Variants in CACNA2D3 observed in about 807,000 individuals in gnomAD.
CACNA2D3 encodes voltage-dependent calcium channel subunit alpha-2/delta-3.
Under a neutral mutation model 160.6 loss-of-function variants are expected in CACNA2D3, and 60 were observed. The ratio of observed to expected loss-of-function variants is 0.37; its 90% CI spans 0.30 to 0.46. The LOEUF is 0.46. Among genes scored for constraint, CACNA2D3 ranks in the 20% least tolerant of loss-of-function variants. CACNA2D3 has a pLI of 1.00. For missense variants in CACNA2D3, 1,205 were observed against 1,365.0 expected (o/e 0.88, Z 1.85); for synonymous variants, 558 against 492.9 (o/e 1.13, Z -1.75).
chr3:54,871,225 C>CACACA (rs1559611440), intron 17 of CACNA2D3, among the ~76,000 whole-genome samples: 49 of 131,688 alleles, frequency 3.7e-4, no homozygotes, highest in African/African-American at 1.5e-3. Flanking sequence ...ACACACACAC[C>CACACA]CCCCATTCAA....
chr3:54,773,999 A>C (rs181575613), intron 13 of CACNA2D3, among the ~76,000 whole-genome samples: 23 of 152,348 alleles, frequency 1.5e-4, no homozygotes, highest in African/African-American at 5.5e-4. Flanking sequence ...AACAGCCTCT[A>C]TCCTCTGCCA....
chr3:54,520,025 G>T (rs1701620321), intron 5 of CACNA2D3, among the ~76,000 whole-genome samples: 1 of 152,240 alleles, frequency 6.6e-6, no homozygotes, highest in Non-Finnish European at 1.5e-5. Flanking sequence ...AACCTCTTAA[G>T]ATGGCAGATT....
intron 11 of CACNA2D3, among the ~76,000 whole-genome samples, chr3:54,667,994 T>A (rs1400392767): frequency 6.6e-6 from 1 of 151,994 alleles, no homozygotes; most frequent in African/African-American, 2.4e-5. Flanking sequence ...TAGAATTTTA[T>A]ATCAACATGA....
chr3:54,877,590 C>T (rs1699692123), intron 18 of CACNA2D3, among the ~76,000 whole-genome samples: 1 of 152,176 alleles, frequency 6.6e-6, no homozygotes, highest in South Asian at 2.1e-4. Context: ...TCCTTAACTA[C>T]AGTGCCATCC....
At chr3:54,276,856 C>G (rs1373461132) in intron 2 of CACNA2D3, among the ~76,000 whole-genome samples, 1 of 152,248 alleles carries the variant, frequency 6.6e-6, no homozygotes, top group Non-Finnish European at 1.5e-5. Flanking sequence ...CACCCTGAGG[C>G]AGCTTTCCTT....
intron 14 of CACNA2D3, among the ~76,000 whole-genome samples, chr3:54,827,406 T>G (rs1477061354): frequency 2.0e-5 from 3 of 152,206 alleles, no homozygotes; most frequent in Non-Finnish European, 4.4e-5. Context: ...GAAAGATAGA[T>G]CAATAAAAAT....
intron 5 of CACNA2D3, among the ~76,000 whole-genome samples, chr3:54,513,353 A>G (rs1057203347): frequency 1.3e-5 from 2 of 152,110 alleles, no homozygotes; most frequent in African/African-American, 2.4e-5. Context: ...GCCTTAGTCA[A>G]CTGATGCCTC....
At chr3:54,336,803 T>C (rs565888485) in intron 3 of CACNA2D3, among the ~76,000 whole-genome samples, 1 of 152,206 alleles carries the variant, frequency 6.6e-6, no homozygotes, top group East Asian at 1.9e-4. Context: ...AGCGAAACAA[T>C]GCATAAGAAA....
intron 4 of CACNA2D3, among the ~76,000 whole-genome samples, chr3:54,464,094 T>A (rs567991919): frequency 7.4e-4 from 112 of 152,334 alleles, no homozygotes; most frequent in African/African-American, 2.6e-3. Flanking sequence ...CAGTTTTTCA[T>A]GAACCACGAA....
In CACNA2D3 at chr3:54,432,985, A is replaced by ATTT. The variant is rs1295938243; in HGVS notation, c.381+46211_381+46212insTTT. ...ATTAAGTGGTGGAATTATTTTTTTA[A>ATTT]AAAATTCAAAAGTTTTAAATTTGGG... On this transcript the variant is annotated intron_variant, in intron 4 of 37. Transcript: ENST00000474759. 2.4e-3 allele frequency among the ~76,000 whole-genome samples: 358 copies of ATTT among 152,308 alleles called. 3 individuals are homozygous for ATTT. Among genetic ancestry groups the ATTT allele is most frequent in the African/African-American group, 8.4e-3 (350 of 41,572 alleles).
intron 35 of CACNA2D3, among the ~76,000 whole-genome samples, chr3:55,021,146 ATG>A (rs1703436872): frequency 6.6e-6 from 1 of 152,078 alleles, no homozygotes; most frequent in South Asian, 2.1e-4. Context: ...GTGTTTTTTC[ATG>A]TGTGTATACA....
At chr3:54,962,027 TCCACCAGTC>T (rs1226359465) in intron 27 of CACNA2D3, among the ~76,000 whole-genome samples, 1 of 151,496 alleles carries the variant, frequency 6.6e-6, no homozygotes, top group Non-Finnish European at 1.5e-5. Flanking sequence ...TTCCTGTAAA[TCCACCAGTC>T]CCACTCTCAT....
chr3:54,203,667 T>C (rs1206471253), intron 2 of CACNA2D3, among the ~76,000 whole-genome samples: 1 of 152,012 alleles, frequency 6.6e-6, no homozygotes, highest in East Asian at 1.9e-4. Context: ...CCAGTTCTCC[T>C]TCAACTCCCT....
chr3:54,496,878 G>A (rs536760297), intron 4 of CACNA2D3, among the ~76,000 whole-genome samples: 1 of 152,218 alleles, frequency 6.6e-6, no homozygotes, highest in African/African-American at 2.4e-5. Context: ...TGAAAATACT[G>A]TCCTCACTGA....
At chr3:54,451,443 T>A (rs1397493666) in intron 4 of CACNA2D3, among the ~76,000 whole-genome samples, 1 of 151,922 alleles carries the variant, frequency 6.6e-6, no homozygotes, top group East Asian at 1.9e-4. Context: ...ACCTTGTTAG[T>A]CTTCTACAAA....
chr3:54,507,037 C>T (rs1218540869), intron 5 of CACNA2D3, among the ~76,000 whole-genome samples: 2 of 151,998 alleles, frequency 1.3e-5, no homozygotes, highest in African/African-American at 2.4e-5. Context: ...TACACATACA[C>T]CTTATATGTA....
At chr3:55,058,616 C>CATAT (rs146677373) in intron 35 of CACNA2D3, among the ~76,000 whole-genome samples, 1 of 151,490 alleles carries the variant, frequency 6.6e-6, no homozygotes, top group African/African-American at 2.4e-5. Flanking sequence ...TTTAAAAATA[C>CATAT]ATATATATAT....
intron 4 of CACNA2D3, among the ~76,000 whole-genome samples, chr3:54,420,184 A>C (rs984026947): frequency 6.6e-6 from 1 of 152,084 alleles, no homozygotes; most frequent in African/African-American, 2.4e-5. Flanking sequence ...TCCTGAGTTC[A>C]AGTGATTCTC....
rs1553785965 is a variant in CACNA2D3 at position 54,689,010 on chromosome 3, A to AAAAAAAAAAAGAG, written c.1167+46770_1167+46771insAAAAAAAAAGAGA. Reference sequence around the variant, plus strand: ...AAAAAAAAAAAAAAAAAAAAAAAAAAAGAATGAGGTTGTATACATAAAGCA... The same window carrying AAAAAAAAAAAGAG: ...AAAAAAAAAAAAAAAAAAAAAAAAAAAAAAAAAAAAGAGAGAATGAGGTTGTATACATAAAGCA... On this transcript the variant is annotated intron_variant, in intron 11 of 37. Coordinates refer to ENST00000474759, the MANE Select transcript of CACNA2D3 (RefSeq NM_018398.3). Among the ~76,000 whole-genome samples, 114 of 85,496 alleles carry AAAAAAAAAAAGAG rather than the reference A, an allele frequency of 1.3e-3. 36 individuals carry two copies. Among genetic ancestry groups the AAAAAAAAAAAGAG allele is most frequent in the African/African-American group, 1.9e-3 (44 of 22,996 alleles). The allele number at this position is 85,496 out of a possible 152,430, so 56.1% of individuals were successfully genotyped here.
Sources: allele counts gnomAD v4.1 joint callset (sites outside exome capture counted in the v4.1 genomes callset), GRCh38; gene constraint gnomAD v4.1.1; transcripts MANE v1.5; gene names NCBI Gene and HGNC (gene_info 2026-07-23, HGNC 2026-07-21).